Variants in MYBPHL observed in about 807,000 individuals in gnomAD.
The protein encoded by MYBPHL is myosin-binding protein H-like.
MYBPHL carries 32 observed loss-of-function variants against 39.5 expected under a neutral mutation model. That is an observed-to-expected ratio of 0.81 (90% CI 0.61 to 1.09). MYBPHL has a LOEUF of 1.09. MYBPHL is among the 50% of genes least tolerant of loss of function. MYBPHL has a pLI of 0.00. For synonymous variants in MYBPHL, 196 were observed against 183.7 expected (o/e 1.07, Z -0.54); for missense variants, 456 against 460.2 (o/e 0.99, Z 0.08).
rs776410764 is a variant in MYBPHL, at chr1:109,295,147, C to T, written c.1018G>A (p.Gly340Arg). ...IYTCKAVNPL[G>R]EASVDCRVDV... ...ACCCGACAGTCCACAGATGCCTCCC[C>T]TAGGGGGTTCACCGCCTTGCAGGTA... Residue 340 changes from glycine to arginine, a missense_variant, in exon 7 of 9, where the codon GGG (glycine) becomes AGG (arginine). Transcript: ENST00000357155. The T allele has an allele frequency of 2.5e-6, 4 of 1,613,684 alleles. No individual in the cohort carries two copies. The African/African-American group carries it at 4.0e-5, about 16-fold the overall frequency.
At chr1:109,304,761 C>A (rs1432891090) in intron 1 of MYBPHL, among the ~76,000 whole-genome samples, 2 of 152,230 alleles carry the variant, frequency 1.3e-5, no homozygotes, top group Non-Finnish European at 2.9e-5. Flanking sequence ...CAGTGTAGTG[C>A]TGAGGACAGA....
intron 1 of MYBPHL, among the ~76,000 whole-genome samples, chr1:109,304,521 A>C (rs560635239): frequency 6.1e-4 from 93 of 152,234 alleles, no homozygotes; most frequent in African/African-American, 2.1e-3. Context: ...GGGGAAATTG[A>C]ATGCTTCTTC....
chr1:109,303,101 C>T (rs533790139), intron 1 of MYBPHL, among the ~76,000 whole-genome samples: 13 of 152,172 alleles, frequency 8.5e-5, no homozygotes, highest in South Asian at 2.1e-4. Context: ...TTAGTTCTTA[C>T]GCTAGTGAGA....
At chr1:109,294,067 A>T (rs1657966263) in intron 8 of MYBPHL, 139 bp downstream of exon 8, 1 of 623,076 alleles carries the variant, frequency 1.6e-6, no homozygotes, top group Non-Finnish European at 2.9e-6. Context: ...TCATTTCAAA[A>T]AAAAAATGGT....
chr1:109,297,387 G>A (rs1570850130), intron 3 of MYBPHL, 35 bp downstream of exon 3: 1 of 1,591,570 alleles, frequency 6.3e-7, no homozygotes, highest in East Asian at 2.2e-5. Context: ...GGGAGTTCCT[G>A]AGGACCCCCC....
chr1:109,306,726 C>A, intron 1 of MYBPHL, 121 bp downstream of exon 1: 1 of 820,284 alleles, frequency 1.2e-6, no homozygotes, highest in Non-Finnish European at 1.8e-6. Flanking sequence ...CCAGCCTAAT[C>A]ACCAATCCTA....
chr1:109,297,726 C>G, intron 2 of MYBPHL, 109 bp from the exon 3 acceptor site: 1 of 969,794 alleles, frequency 1.0e-6, no homozygotes, highest in South Asian at 1.7e-5. Flanking sequence ...TGACTTGGAG[C>G]TGCACATTCC....
At chr1:109,293,318 C>A (rs1657930279) in intron 8 of MYBPHL, among the ~76,000 whole-genome samples, 1 of 152,206 alleles carries the variant, frequency 6.6e-6, no homozygotes, top group Non-Finnish European at 1.5e-5. Flanking sequence ...TGTCACTCTT[C>A]TTCAGAGGAC....
chr1:109,294,106 A>G (rs914352967), intron 8 of MYBPHL, 100 bp downstream of exon 8: 2 of 802,530 alleles, frequency 2.5e-6, no homozygotes, highest in Non-Finnish European at 4.3e-6. Context: ...CAGTGGATAC[A>G]TGACTGAAAG....
In MYBPHL at chr1:109,292,569, A is replaced by G. The variant is rs1230258024; in HGVS notation, c.*53T>C. The stretch of plus-strand genomic sequence containing the variant: ...TCCCTGGCTCCTGTGCCATGAATTC[A>G]CTTCATTGCTGGGCACTGGCTGTGA... On this transcript the variant is annotated 3_prime_UTR_variant, in exon 9 of 9. Transcript: ENST00000357155. 6.6e-6 allele frequency: 1 copy of G among 152,242 alleles called. No individual in the cohort carries two copies. Among genetic ancestry groups the G allele is most frequent in the Non-Finnish European group, 1.5e-5 (1 of 68,050 alleles). 9.4% of individuals were successfully genotyped at this position (152,242 alleles called of 1,614,324 possible). A position where few individuals can be genotyped will look rare whatever the true frequency, so the allele number is the denominator to read the frequency against.
rs925303468 is a variant in MYBPHL at position 109,306,961 on chromosome 1, C to T, written c.31G>A (p.Ala11Thr). The T allele has an allele frequency of 1.6e-5, 25 of 1,610,254 alleles. No individual in the cohort carries two copies. The African/African-American group carries it at 2.3e-4, about 15-fold the overall frequency. Residue 11 changes from alanine (A) to threonine (T), a missense_variant, in exon 1 of 9, where the codon GCA becomes ACA. Ala to Thr is a moderately conservative substitution (Grantham distance 58). Transcript: ENST00000357155. ...TCTTTCACCTTCAGCTTGGATCCTG[C>T]GGCCACCTCCGGAGCTGTGGCTGCC... The part of the protein sequence containing the change: MEAATAPEVA[A>T]GSKLKVKEAS...
At chr1:109,293,867 C>A (rs542297629) in intron 8 of MYBPHL, among the ~76,000 whole-genome samples, 5 of 152,028 alleles carry the variant, frequency 3.3e-5, no homozygotes, top group Non-Finnish European at 4.4e-5. Context: ...AGTTCGAGAC[C>A]AGCCTGGCCA....
At position 109,305,248 on chromosome 1, in the gene MYBPHL, C is replaced by T. The variant is rs539484430; in HGVS notation, c.145+1599G>A. On this transcript the variant is annotated intron_variant, in intron 1 of 8. Transcript: ENST00000357155. ...GAGTGGATTGACTTGCCTAGGGCCA[C>T]AGAACAGAGCTAAGATTTGAACTCA... is the stretch of plus-strand genomic sequence containing the variant. Among the ~76,000 whole-genome samples the T allele has an allele frequency of 2.1e-4, 32 of 152,340 alleles. No individual in the cohort carries two copies. The South Asian group carries it at 5.8e-3, about 28-fold the overall frequency.
chr1:109,296,194 G>A (rs779739611), intron 6 of MYBPHL, 40 bp downstream of exon 6: 42 of 1,604,636 alleles, frequency 2.6e-5, no homozygotes, highest in Non-Finnish European at 3.6e-5. Flanking sequence ...GCAGGAACAA[G>A]AAGCAGCTCA....
In MYBPHL at chr1:109,294,191, C is replaced by T. The variant is rs200489305; in HGVS notation, c.*33+15G>A. Reference sequence around the variant, plus strand: ...GGAAGTAATCCAGTGAGACATCTTGCCTCTCTTTACTTACCTTTGTCAGAG... The same window carrying T: ...GGAAGTAATCCAGTGAGACATCTTGTCTCTCTTTACTTACCTTTGTCAGAG... On this transcript the variant is annotated intron_variant, in intron 8 of 8. Transcript: ENST00000357155. The T allele has an allele frequency of 9.2e-6, 14 of 1,522,456 alleles. No individual in the cohort carries two copies. The African/African-American group carries it at 1.2e-4, about 13-fold the overall frequency. 94.3% of individuals were successfully genotyped at this position (1,522,456 alleles called of 1,614,324 possible). A position where few individuals can be genotyped will look rare whatever the true frequency, so the allele number is the denominator to read the frequency against.
chr1:109,297,424 A>G lies in MYBPHL; in HGVS notation c.428T>C (p.Ile143Thr), dbSNP rs1484726879. Reference protein sequence around the residue: ...EATATIDILVIERPGPPQSIK... With the variant: ...EATATIDILVTERPGPPQSIK... Reference sequence around the variant, plus strand: ...ATCTCCCACTTCCCCCACCGTACCAATCACCAGGATGTCAATGGTGGCGGT... The same window carrying G: ...ATCTCCCACTTCCCCCACCGTACCAGTCACCAGGATGTCAATGGTGGCGGT... Residue 143 changes from isoleucine to threonine, a missense_variant and splice_region_variant, in exon 3 of 9, where the codon ATT becomes ACT. Physicochemically the swap from Ile to Thr is moderately conservative, Grantham distance 89. Transcript: ENST00000357155. The G allele has an allele frequency of 6.8e-6, 11 of 1,611,494 alleles. No individual in the cohort carries two copies. The highest frequency in any genetic ancestry group is 9.3e-6 in the Non-Finnish European group (11 of 1,179,240).
In MYBPHL at chr1:109,296,875, T is replaced by G; in HGVS notation, c.638A>C (p.Asn213Thr). 6.2e-7 allele frequency: 1 copy of G among 1,613,992 alleles called. No homozygotes were observed. ...SCIVSDLIIG[N>T]SYAFRVFAEN... is the part of the protein sequence containing the mutation. ...AGCAAAGACACGGAAGGCATAGGAG[T>G]TGCCGATGATGAGGTCAGAGACGAT... The change falls in exon 5 of 9, where the codon AAC becomes ACC. Residue 213 changes from asparagine (N) to threonine (T), a missense_variant. Asn to Thr is a moderately conservative substitution (Grantham distance 65). Coordinates refer to ENST00000357155, the MANE Select transcript of MYBPHL (RefSeq NM_001010985.3).
intron 7 of MYBPHL, 92 bp downstream of exon 7, chr1:109,295,019 C>A (rs761810571): frequency 3.0e-6 from 4 of 1,349,524 alleles, no homozygotes; most frequent in Middle Eastern, 2.7e-4. Flanking sequence ...CCCTTCTCCC[C>A]CTAGGCTTGC....
intron 1 of MYBPHL, among the ~76,000 whole-genome samples, chr1:109,300,128 C>T (rs562610261): frequency 3.3e-5 from 5 of 152,216 alleles, no homozygotes; most frequent in African/African-American, 9.6e-5. Context: ...TACAGAATGT[C>T]GGCATTAGGA....
Sources: gnomAD v4.1 joint callset for allele counts (sites outside exome capture counted in the v4.1 genomes callset) on GRCh38, gnomAD v4.1.1 for gene constraint, MANE v1.5 for transcripts, NCBI Gene and HGNC (gene_info 2026-07-23, HGNC 2026-07-21) for gene names.